Variants in REPS1 observed in about 807,000 individuals in gnomAD.
REPS1 encodes RALBP1 associated Eps domain containing 1, also known as ralBP1-associated Eps domain-containing protein 1.
REPS1 carries 39 observed loss-of-function variants against 100.9 expected under a neutral mutation model. The ratio of observed to expected loss-of-function variants is 0.39; its 90% CI spans 0.30 to 0.50. REPS1 has a LOEUF of 0.50. Among genes scored for constraint, REPS1 ranks in the 20% least tolerant of loss-of-function variants. The pLI is 0.86. For missense variants in REPS1, 821 were observed against 968.5 expected, an observed-to-expected ratio of 0.85 and a Z score of 2.02; for synonymous variants, 324 against 340.3, an observed-to-expected ratio of 0.95 and a Z score of 0.53.
At chr6:138,966,784 TA>T (rs957712333) in intron 1 of REPS1, among the ~76,000 whole-genome samples, 17 of 149,812 alleles carry the variant, frequency 1.1e-4, no homozygotes, top group Admixed American at 3.3e-4. Context: ...AGCTTCTGCC[TA>T]AAAAAAAGAA....
intron 1 of REPS1, among the ~76,000 whole-genome samples, chr6:138,977,303 C>G (rs1265577798): frequency 1.3e-5 from 2 of 152,172 alleles, no homozygotes; most frequent in Non-Finnish European, 2.9e-5. Context: ...TGTAACCACA[C>G]AATATGTACT....
At chr6:138,930,626 C>T (rs746487932) in intron 8 of REPS1, among the ~76,000 whole-genome samples, 3 of 151,944 alleles carry the variant, frequency 2.0e-5, no homozygotes, top group Admixed American at 6.6e-5. Flanking sequence ...TCCTTTTCAT[C>T]AAATAAAATC....
At chr6:138,924,310 A>C (rs1582740679) in intron 10 of REPS1, among the ~76,000 whole-genome samples, 1 of 152,192 alleles carries the variant, frequency 6.6e-6, no homozygotes, top group Non-Finnish European at 1.5e-5. Context: ...TAATCACTCT[A>C]TTTTCCTAGA....
chr6:138,958,612 T>C (rs890390915), intron 1 of REPS1, among the ~76,000 whole-genome samples: 11 of 152,154 alleles, frequency 7.2e-5, no homozygotes, highest in African/African-American at 1.2e-4. Context: ...TTTTTGACAA[T>C]GCAAATTTTG....
chr6:138,988,028 G>C lies in REPS1; in HGVS notation c.-346C>G, dbSNP rs1044808444. On this transcript the variant is annotated 5_prime_UTR_variant, in exon 1 of 20. Coordinates refer to ENST00000450536, the MANE Select transcript of REPS1 (RefSeq NM_001286611.2). ...CGAGGCACTGGCGGACTCCGCCCCC[G>C]CCGCGGGTTCGAGTCTCCCCGGCTC... 1.5e-5 allele frequency: 6 copies of C among 396,662 alleles called. No homozygotes were observed. Among genetic ancestry groups the C allele is most frequent in the Non-Finnish European group, 2.7e-5 (6 of 224,898 alleles). 24.6% of individuals were successfully genotyped at this position (396,662 alleles called of 1,614,324 possible). A position where few individuals can be genotyped will look rare whatever the true frequency, so the allele number is the denominator to read the frequency against.
At position 138,944,594 on chromosome 6, in the gene REPS1, T is replaced by G; in HGVS notation, c.657A>C (p.Ser219=). Residue 219 remains serine, a synonymous_variant, in exon 5 of 20, where the codon TCA becomes TCC. Transcript: ENST00000450536. ...CTTGAGGTGGAGGTGGGGAATGCCC[T>G]GACCACACTGCATCACCAGCAGAAG... ...SGSSAGDAVW[S]GHSPPPPQEN... 1 of 1,614,038 alleles carries G rather than the reference T, an allele frequency of 6.2e-7. No homozygotes were observed. The highest frequency in any genetic ancestry group is 1.1e-5 in the South Asian group (1 of 91,068).
chr6:138,940,198 A>G (rs990037485), intron 8 of REPS1, among the ~76,000 whole-genome samples: 3 of 152,206 alleles, frequency 2.0e-5, no homozygotes, highest in African/African-American at 7.2e-5. Flanking sequence ...CAGACCATGT[A>G]TATTTTTAGG....
intron 1 of REPS1, among the ~76,000 whole-genome samples, chr6:138,984,067 T>G (rs1369130353): frequency 6.8e-6 from 1 of 147,966 alleles, no homozygotes; most frequent in Non-Finnish European, 1.5e-5. Context: ...CTCTACCATC[T>G]CTCTCTCTCT....
intron 15 of REPS1, among the ~76,000 whole-genome samples, chr6:138,914,409 G>C (rs1780217396): frequency 6.6e-6 from 1 of 152,094 alleles, no homozygotes; most frequent in South Asian, 2.1e-4. Flanking sequence ...CTAGACCCAG[G>C]ACATTAATGG....
rs544319638 is a variant in REPS1 at position 138,947,656 on chromosome 6, A to G, written c.277+134T>C. ...CAAGTGAGAAATGCAAGGTAGTGGG[A>G]ATAAAGTCACGACACTTCACTCAAG... On this transcript the variant is annotated intron_variant, in intron 2 of 19. Transcript: ENST00000450536. The G allele has an allele frequency of 2.4e-5, 17 of 709,394 alleles. No individual in the cohort carries two copies. The African/African-American group carries it at 2.9e-4, about 12-fold the overall frequency. The allele number at this position is 709,394 out of a possible 1,614,324, so 43.9% of individuals were successfully genotyped here. A position where few individuals can be genotyped will look rare whatever the true frequency, so the allele number is the denominator to read the frequency against.
At chr6:138,906,979 A>C (rs546899468) in intron 19 of REPS1, among the ~76,000 whole-genome samples, 1 of 152,302 alleles carries the variant, frequency 6.6e-6, no homozygotes, top group African/African-American at 2.4e-5. Flanking sequence ...AGGGATGCAA[A>C]GAAATTATAG....
At chr6:138,979,192 AAAAAAC>A (rs1444545420) in intron 1 of REPS1, among the ~76,000 whole-genome samples, 82 of 145,908 alleles carry the variant, frequency 5.6e-4, no homozygotes, top group East Asian at 5.1e-3. Flanking sequence ...AAAAAAAAAA[AAAAAAC>A]AAAAAAAAAA....
At position 138,908,687 on chromosome 6, in the gene REPS1, A is replaced by T. The variant is rs751960272; in HGVS notation, c.2197T>A (p.Ser733Thr). The T allele has an allele frequency of 6.2e-7, 1 of 1,614,144 alleles. No homozygotes were observed. The highest frequency in any genetic ancestry group is 8.5e-7 in the Non-Finnish European group (1 of 1,180,008). Residue 733 changes from serine (S) to threonine (T), a missense_variant, in exon 18 of 20, where the codon TCA (serine) becomes ACA (threonine). Coordinates refer to ENST00000450536, the MANE Select transcript of REPS1 (RefSeq NM_001286611.2). ...KTGVLAAVLA[S>T]QPSIPRSVGK... ...GATTACCTGGGAATAGAAGGTTGTGATGCAAGAACAGCAGCTAAGACACCC... is the reference window on the plus strand; with the variant it reads ...GATTACCTGGGAATAGAAGGTTGTGTTGCAAGAACAGCAGCTAAGACACCC...
chr6:138,905,322 TCGCCCAGGC>T (rs1779561416), intron 19 of REPS1, among the ~76,000 whole-genome samples, 190 bp from the exon 20 acceptor site: 1 of 152,268 alleles, frequency 6.6e-6, no homozygotes, highest in African/African-American at 2.4e-5. Flanking sequence ...TCTCGCTCTG[TCGCCCAGGC>T]CGGACTGCGG....
chr6:138,915,111 C>T (rs1780266467), intron 14 of REPS1: 1 of 223,626 alleles, frequency 4.5e-6, no homozygotes, highest in Non-Finnish European at 8.7e-6. Flanking sequence ...TAACACTTCA[C>T]TTTTCCTCAC....
At chr6:138,935,862 G>T (rs1237308000) in intron 8 of REPS1, among the ~76,000 whole-genome samples, 8 of 116,828 alleles carry the variant, frequency 6.8e-5, no homozygotes, top group South Asian at 4.4e-4. Context: ...TTGGCGGGGG[G>T]GGGGGGCGCG....
chr6:138,917,446 C>A, intron 13 of REPS1, 109 bp downstream of exon 13: 2 of 815,158 alleles, frequency 2.5e-6, no homozygotes, highest in Non-Finnish European at 4.0e-6. Context: ...CAAAAAGTAA[C>A]CTAACAGCTT....
chr6:138,913,222 A>G (rs1195276603), intron 15 of REPS1, among the ~76,000 whole-genome samples: 7 of 152,194 alleles, frequency 4.6e-5, no homozygotes, highest in Non-Finnish European at 7.3e-5. Context: ...AGTACAATGA[A>G]GGAGAGGGTA....
rs1210081997 is a variant in REPS1, at chr6:138,911,716, G to A, written c.1972-345C>T. 2.7e-5 allele frequency among the ~76,000 whole-genome samples: 4 copies of A among 150,842 alleles called. 1 individual carries two copies. Among genetic ancestry groups the A allele is most frequent in the Middle Eastern group, 3.5e-3 (1 of 286 alleles). On this transcript the variant is annotated intron_variant, in intron 16 of 19. Coordinates refer to ENST00000450536, the MANE Select transcript of REPS1 (RefSeq NM_001286611.2). ...GGTAATAGATGTGTGAGGGAGAGGA[G>A]GACGGGGCAAGGATGCAGGTAGTAG...
Sources: gnomAD v4.1 joint callset for allele counts (sites outside exome capture counted in the v4.1 genomes callset) on GRCh38, gnomAD v4.1.1 for gene constraint, MANE v1.5 for transcripts, NCBI Gene and HGNC (gene_info 2026-07-23, HGNC 2026-07-21) for gene names.